CDYL: variants seen among roughly 807,000 people sequenced by gnomAD.
CDYL encodes the protein chromodomain Y like.
Under a neutral mutation model 47.3 loss-of-function variants are expected in CDYL, and 8 were observed. That is an observed-to-expected ratio of 0.17 (90% CI 0.10 to 0.31). The LOEUF is 0.31. Ranked by LOEUF, CDYL falls within the 10% of genes least tolerant of loss-of-function variation. The pLI, the probability that CDYL is intolerant of heterozygous loss-of-function variation, is 1.00. For missense variants in CDYL, 471 were observed against 701.4 expected, an observed-to-expected ratio of 0.67 and a Z score of 3.71; for synonymous variants, 266 against 265.0, an observed-to-expected ratio of 1.00 and a Z score of -0.04.
chr6:4,892,594 G>T (rs575676232), intron 2 of CDYL, among the ~76,000 whole-genome samples: 1 of 150,550 alleles, frequency 6.6e-6, no homozygotes, highest in Non-Finnish European at 1.5e-5. Flanking sequence ...GCCATCCACA[G>T]ACTGTGCTAC....
At chr6:4,791,066 A>G (rs1018936257) in intron 1 of CDYL, among the ~76,000 whole-genome samples, 1 of 152,254 alleles carries the variant, frequency 6.6e-6, no homozygotes, top group Non-Finnish European at 1.5e-5. Flanking sequence ...GAGAAACAGA[A>G]CGAAGTGTAA....
chr6:4,709,741 T>G (rs1757116013), intron 1 of CDYL, among the ~76,000 whole-genome samples: 2 of 152,216 alleles, frequency 1.3e-5, no homozygotes, highest in African/African-American at 4.8e-5. Context: ...TGTGGTTATT[T>G]TGTCACCTAT....
intron 2 of CDYL, among the ~76,000 whole-genome samples, chr6:4,929,108 T>G (rs567866794): frequency 6.6e-6 from 1 of 152,224 alleles, no homozygotes; most frequent in Non-Finnish European, 1.5e-5. Flanking sequence ...TTTTTTAACA[T>G]TCCTTACAGT....
Position 4,935,697 on chromosome 6 carries a change from G to A in CDYL, c.874G>A (p.Val292Ile). ...TGCCTACAGATACAGAGATATTGTG[G>A]TCAGGAAGCAGGATGGCTTCACCCA... ...ESAYRYRDIV[V>I]RKQDGFTHIL... is the part of the protein sequence containing the mutation. The change falls in exon 3 of 7, where the codon GTC (valine) becomes ATC (isoleucine). Residue 292 changes from valine (V) to isoleucine (I), a missense_variant. Around this residue, in one of 3 missense-constraint regions of CDYL, gnomAD observed 103 missense variants for 277.1 expected, o/e 0.37. Transcript: ENST00000397588. The A allele has an allele frequency of 6.2e-7, 1 of 1,614,228 alleles. No homozygotes were observed.
At chr6:4,841,075 A>G (rs1312381412) in intron 1 of CDYL, among the ~76,000 whole-genome samples, 1 of 151,888 alleles carries the variant, frequency 6.6e-6, no homozygotes, top group East Asian at 1.9e-4. Context: ...TTAAATTACC[A>G]TTTCAGTGTC....
intron 1 of CDYL, among the ~76,000 whole-genome samples, chr6:4,847,779 A>G (rs1372057807): frequency 1.3e-5 from 2 of 152,196 alleles, no homozygotes; most frequent in Non-Finnish European, 2.9e-5. Context: ...TGTCTTTTGA[A>G]TTAAAATAAA....
rs1422687385 is a variant in CDYL, at chr6:4,733,650, T to TTTGACC, written c.104-1112_104-1111insTTGACC. 7.2e-5 allele frequency among the ~76,000 whole-genome samples: 11 copies of TTTGACC among 152,262 alleles called. No homozygotes were observed. In the East Asian group the frequency reaches 1.7e-3, roughly 24 times the overall value. On this transcript the variant is annotated intron_variant, in intron 2 of 8. Coordinates refer to the CDYL transcript ENST00000328908. ...TTAAGAGAAACTTCATTCTGGTCAT[T>TTTGACC]AAGACTCCATCTCAGGTATGAAAAT...
At chr6:4,830,449 GGTCACAGCCACATTT>G (rs1760104163) in intron 1 of CDYL, among the ~76,000 whole-genome samples, 1 of 151,960 alleles carries the variant, frequency 6.6e-6, no homozygotes, top group South Asian at 2.1e-4. Context: ...TTGTGTCTGT[GGTCACAGCCACATTT>G]ACTGGCAGGC....
upstream of CDYL, among the ~76,000 whole-genome samples, chr6:4,776,144 C>T (rs1386662358): frequency 3.5e-5 from 4 of 113,576 alleles, no homozygotes; most frequent in African/African-American, 1.4e-4. Flanking sequence ...GAAGTCGGAG[C>T]CCCGCCCACC....
intron 1 of CDYL, among the ~76,000 whole-genome samples, chr6:4,843,352 G>A (rs1477595423): frequency 6.6e-6 from 1 of 152,014 alleles, no homozygotes; most frequent in Non-Finnish European, 1.5e-5. Context: ...CTCGTATTTG[G>A]ATGTCTAGAT....
At chr6:4,733,083 T>A (rs1757638758) in intron 2 of CDYL, 1 of 152,274 alleles carries the variant, frequency 6.6e-6, no homozygotes, top group Non-Finnish European at 1.5e-5. Context: ...CTCGCAGCTC[T>A]GGGTACAGAT....
intron 3 of CDYL, among the ~76,000 whole-genome samples, chr6:4,767,169 A>T (rs1758267002): frequency 6.6e-6 from 1 of 152,196 alleles, no homozygotes; most frequent in African/African-American, 2.4e-5. Context: ...GCTTAAAATT[A>T]AAAATAAATA....
At chr6:4,903,678 C>A (rs1757139170) in intron 2 of CDYL, among the ~76,000 whole-genome samples, 1 of 152,212 alleles carries the variant, frequency 6.6e-6, no homozygotes, top group Non-Finnish European at 1.5e-5. Context: ...CCCTCTCCCG[C>A]TTTGTGTGCT....
chr6:4,759,651 G>A (rs1306311958), intron 3 of CDYL, among the ~76,000 whole-genome samples: 5 of 151,684 alleles, frequency 3.3e-5, no homozygotes, highest in African/African-American at 1.2e-4. Flanking sequence ...GGAGGCCGAG[G>A]TGGGTGGATC....
intron 2 of CDYL, among the ~76,000 whole-genome samples, chr6:4,723,263 C>A (rs1040518672): frequency 1.3e-5 from 2 of 152,084 alleles, no homozygotes; most frequent in Non-Finnish European, 2.9e-5. Flanking sequence ...AAGTTTTATA[C>A]GCATTGACTA....
At chr6:4,895,107 GTATC>G (rs1339372397) in intron 2 of CDYL, among the ~76,000 whole-genome samples, 6 of 150,610 alleles carry the variant, frequency 4.0e-5, no homozygotes, top group South Asian at 4.2e-4. Context: ...GTGTGTATAT[GTATC>G]TATATGCATA....
intron 2 of CDYL, among the ~76,000 whole-genome samples, chr6:4,921,741 A>G (rs1187911322): frequency 6.6e-6 from 1 of 151,770 alleles, no homozygotes; most frequent in Non-Finnish European, 1.5e-5. Context: ...TATGTAGTGT[A>G]TTTGGCCACC....
At chr6:4,901,054 A>T (rs1020811027) in intron 2 of CDYL, among the ~76,000 whole-genome samples, 1 of 151,130 alleles carries the variant, frequency 6.6e-6, no homozygotes, top group African/African-American at 2.4e-5. Context: ...GGACTAGAAA[A>T]CTTCCAATTA....
intron 2 of CDYL, among the ~76,000 whole-genome samples, chr6:4,728,625 G>C (rs1757554391): frequency 6.6e-6 from 1 of 152,188 alleles, no homozygotes; most frequent in African/African-American, 2.4e-5. Context: ...TTGGACTCTT[G>C]CTTATTAAAG....
Sources: allele counts gnomAD v4.1 joint callset (sites outside exome capture counted in the v4.1 genomes callset), GRCh38; gene constraint gnomAD v4.1.1; regional missense constraint gnomAD v4.1.1; transcripts MANE v1.5; gene names NCBI Gene and HGNC (gene_info 2026-07-23, HGNC 2026-07-21).